Variants in BNC2 observed in about 807,000 individuals in gnomAD.
BNC2 encodes zinc finger protein basonuclin-2.
In BNC2, 20 loss-of-function variants were observed where a neutral mutation model predicts 76.3. The observed-to-expected ratio is 0.26, with a 90% CI of 0.18 to 0.38. The LOEUF is 0.38. BNC2 is among the 10% of genes least tolerant of loss of function. The pLI is 1.00. For synonymous variants in BNC2, 582 were observed against 514.8 expected (o/e 1.13, Z -1.77); for missense variants, 1,382 against 1,399.8 (o/e 0.99, Z 0.20).
chr9:16,527,903 G>A (rs1817860597), intron 5 of BNC2, among the ~76,000 whole-genome samples: 1 of 152,204 alleles, frequency 6.6e-6, no homozygotes, highest in Admixed American at 6.5e-5. Flanking sequence ...TCATCCTGGA[G>A]CTCAGGTAAG....
chr9:16,518,869 G>A (rs1262018979), intron 5 of BNC2, among the ~76,000 whole-genome samples: 3 of 152,192 alleles, frequency 2.0e-5, no homozygotes, highest in African/African-American at 7.2e-5. Context: ...CCCAAGTGCA[G>A]GGATTACAGG....
intron 4 of BNC2, among the ~76,000 whole-genome samples, chr9:16,581,733 T>C (rs1819634686): frequency 6.6e-6 from 1 of 152,170 alleles, no homozygotes; most frequent in Admixed American, 6.6e-5. Flanking sequence ...TTGAATGTAG[T>C]AACATAAAGA....
chr9:16,414,442 G>A lies in BNC2; in HGVS notation c.*4547C>T, dbSNP rs1820541077. The stretch of plus-strand genomic sequence containing the variant: ...AAAAAATAAACAATGAGAGGGAAAA[G>A]CAAAACCACCTAATTTAAATACTTC... On this transcript the variant is annotated 3_prime_UTR_variant, in exon 7 of 7. Transcript: ENST00000380672. 1 of 152,150 alleles carries A rather than the reference G, an allele frequency of 6.6e-6. No homozygotes were observed. The highest frequency in any genetic ancestry group is 2.4e-5 in the African/African-American group (1 of 41,428). The allele number at this position is 152,150 out of a possible 1,614,324, so 9.4% of individuals were successfully genotyped here. A position where few individuals can be genotyped will look rare whatever the true frequency, so the allele number is the denominator to read the frequency against.
In BNC2 at chr9:16,596,181, T is replaced by C. The variant is rs1368265762; in HGVS notation, c.331-13096A>G. Among the ~76,000 whole-genome samples the C allele has an allele frequency of 2.0e-5, 3 of 152,242 alleles. No individual in the cohort carries two copies. The East Asian group carries it at 5.8e-4, about 29-fold the overall frequency. ...TGGCTATGAAGGACTTTAAGGTTTA[T>C]CAGCTACAAATTCATGTTTTAAAGA... On this transcript the variant is annotated intron_variant, in intron 3 of 6. Coordinates refer to ENST00000380672, the MANE Select transcript of BNC2 (RefSeq NM_017637.6).
At chr9:16,769,239 G>A (rs1825771997) in intron 1 of BNC2, among the ~76,000 whole-genome samples, 1 of 152,154 alleles carries the variant, frequency 6.6e-6, no homozygotes, top group African/African-American at 2.4e-5. Flanking sequence ...CATGCCTACA[G>A]GTCTGCAGGC....
intron 5 of BNC2, among the ~76,000 whole-genome samples, chr9:16,535,117 T>C (rs1818089439): frequency 6.6e-6 from 1 of 152,144 alleles, no homozygotes; most frequent in Non-Finnish European, 1.5e-5. Context: ...AAATCCTAGG[T>C]AGCTGCTCAG....
At chr9:16,451,520 T>G (rs1821339857) in intron 5 of BNC2, among the ~76,000 whole-genome samples, 1 of 152,168 alleles carries the variant, frequency 6.6e-6, no homozygotes, top group African/African-American at 2.4e-5. Context: ...AGACTCAACC[T>G]ACATTTCTAA....
chr9:16,605,295 C>T (rs950238956), intron 3 of BNC2, among the ~76,000 whole-genome samples: 1 of 152,230 alleles, frequency 6.6e-6, no homozygotes, highest in South Asian at 2.1e-4. Context: ...ACTGGCAACG[C>T]TTCTTACGCA....
chr9:16,635,936 A>G lies in BNC2; in HGVS notation c.331-52851T>C, dbSNP rs140033144. On this transcript the variant is annotated intron_variant, in intron 3 of 6. Transcript: ENST00000380672. Reference sequence around the variant, plus strand: ...GGGCAGGGGACAAAAGAGTTCCCAAAAAGTAAGGGAATGTGTAGAACAGGG... The same window carrying G: ...GGGCAGGGGACAAAAGAGTTCCCAAGAAGTAAGGGAATGTGTAGAACAGGG... Among the ~76,000 whole-genome samples, 384 of 152,328 alleles carry G rather than the reference A, an allele frequency of 2.5e-3. 3 individuals are homozygous for G. Among genetic ancestry groups the G allele is most frequent in the Admixed American group, 0.022 (330 of 15,300 alleles).
At chr9:16,461,667 G>A (rs1398552073) in intron 5 of BNC2, among the ~76,000 whole-genome samples, 1 of 152,092 alleles carries the variant, frequency 6.6e-6, no homozygotes, top group African/African-American at 2.4e-5. Flanking sequence ...AAGGCACAGA[G>A]CCCTGCAACA....
chr9:16,548,860 G>C (rs1487054358), intron 5 of BNC2, among the ~76,000 whole-genome samples: 2 of 152,174 alleles, frequency 1.3e-5, no homozygotes, highest in African/African-American at 2.4e-5. Flanking sequence ...GTACACAGGA[G>C]AATATTGGGT....
intron 6 of BNC2, among the ~76,000 whole-genome samples, chr9:16,420,872 T>G (rs1244691797): frequency 6.6e-6 from 1 of 152,138 alleles, no homozygotes; most frequent in African/African-American, 2.4e-5. Context: ...CTGCAAAGGC[T>G]CACATGTTCA....
At chr9:16,441,934 G>A (rs181262872) in intron 5 of BNC2, among the ~76,000 whole-genome samples, 148 of 152,312 alleles carry the variant, frequency 9.7e-4, no homozygotes, top group Middle Eastern at 3.4e-3. Flanking sequence ...AGGCTAGGAC[G>A]AAGATCCCAA....
intron 3 of BNC2, among the ~76,000 whole-genome samples, chr9:16,593,615 T>C (rs1819991603): frequency 6.6e-6 from 1 of 152,082 alleles, no homozygotes; most frequent in Non-Finnish European, 1.5e-5. Flanking sequence ...TAAAGAAACA[T>C]GAAATGAAAA....
intron 3 of BNC2, among the ~76,000 whole-genome samples, chr9:16,723,364 G>C (rs1004444189): frequency 6.6e-6 from 1 of 152,028 alleles, no homozygotes; most frequent in South Asian, 2.1e-4. Context: ...ATTTGAGTGG[G>C]ACAGAGTTTA....
chr9:16,675,880 T>A (rs1002535943), intron 3 of BNC2, among the ~76,000 whole-genome samples: 3 of 152,138 alleles, frequency 2.0e-5, no homozygotes. Context: ...GAATCTCAGC[T>A]ACCCATGTGA....
In BNC2 at chr9:16,694,984, C is replaced by T. The variant is rs556860859; in HGVS notation, c.330+32813G>A. On this transcript the variant is annotated intron_variant, in intron 3 of 6. Coordinates refer to ENST00000380672, the MANE Select transcript of BNC2 (RefSeq NM_017637.6). ...AAAAGTGAATGTAAACCCGTCCTAC[C>T]AGTAACATCTTTGTTACTAAGGTTC... 5.6e-3 allele frequency among the ~76,000 whole-genome samples: 848 copies of T among 152,228 alleles called. 8 individuals are homozygous for T. Among genetic ancestry groups the T allele is most frequent in the Non-Finnish European group, 6.4e-3 (438 of 68,006 alleles).
intron 4 of BNC2, among the ~76,000 whole-genome samples, chr9:16,560,825 G>C (rs1818989078): frequency 1.3e-5 from 2 of 152,234 alleles, no homozygotes; most frequent in African/African-American, 4.8e-5. Flanking sequence ...GTTGTCACAT[G>C]GGAGACATGA....
rs563978171 is a variant in BNC2, at chr9:16,604,989, G to A, written c.331-21904C>T. Among the ~76,000 whole-genome samples the A allele has an allele frequency of 3.2e-4, 48 of 152,096 alleles. No homozygotes were observed. In the South Asian group the frequency reaches 4.4e-3, roughly 14 times the overall value. ...GTACCAAACAAATCCCTCCACTCTCGGGAATTACACAAATAGAGCACCAAC... is the reference window on the plus strand; with the variant it reads ...GTACCAAACAAATCCCTCCACTCTCAGGAATTACACAAATAGAGCACCAAC... On this transcript the variant is annotated intron_variant, in intron 3 of 6. Transcript: ENST00000380672.
Sources: allele counts gnomAD v4.1 joint callset (sites outside exome capture counted in the v4.1 genomes callset), GRCh38; gene constraint gnomAD v4.1.1; transcripts MANE v1.5; gene names NCBI Gene and HGNC (gene_info 2026-07-23, HGNC 2026-07-21).